The following FAM135B variants were observed in gnomAD, a reference collection of about 807,000 sequenced individuals.
FAM135B encodes the protein protein FAM135B.
In FAM135B, 43 loss-of-function variants were observed where a neutral mutation model predicts 127.7. The observed-to-expected ratio is 0.34, with a 90% CI of 0.26 to 0.43. The LOEUF is 0.43. Among genes scored for constraint, FAM135B ranks in the 20% least tolerant of loss-of-function variants. The pLI is 1.00. For missense variants in FAM135B, 1,558 were observed against 1,725.6 expected, an observed-to-expected ratio of 0.90 and a Z score of 1.72; for synonymous variants, 670 against 665.1, an observed-to-expected ratio of 1.01 and a Z score of -0.11.
In FAM135B at chr8:138,148,393, A is replaced by T. The variant is rs1342895105; in HGVS notation, c.3448+127T>A. The T allele has an allele frequency of 6.5e-6, 5 of 765,148 alleles. No individual in the cohort carries two copies. The African/African-American group carries it at 9.1e-5, about 14-fold the overall frequency. 47.4% of individuals were successfully genotyped at this position (765,148 alleles called of 1,614,324 possible). A position where few individuals can be genotyped will look rare whatever the true frequency, so the allele number is the denominator to read the frequency against. ...ATACCATTTCCTTAGATTCATCATA[A>T]TTACTGTCATTCCACAGTTGCTAAT... On this transcript the variant is annotated intron_variant, in intron 14 of 19. Coordinates refer to ENST00000395297, the MANE Select transcript of FAM135B (RefSeq NM_015912.4).
intron 12 of FAM135B, among the ~76,000 whole-genome samples, chr8:138,161,775 G>GACCT (rs1246400150): frequency 6.6e-6 from 1 of 152,078 alleles, no homozygotes; most frequent in Non-Finnish European, 1.5e-5. Flanking sequence ...CCCTTCCCAC[G>GACCT]ACCTACCGCA....
At chr8:138,271,759 G>A (rs1024245280) in intron 3 of FAM135B, among the ~76,000 whole-genome samples, 1 of 152,044 alleles carries the variant, frequency 6.6e-6, no homozygotes, top group African/African-American at 2.4e-5. Flanking sequence ...TTATATGATT[G>A]GAAAAGTCAC....
intron 2 of FAM135B, among the ~76,000 whole-genome samples, chr8:138,339,853 C>T (rs1364484815): frequency 2.0e-5 from 3 of 152,216 alleles, no homozygotes; most frequent in Non-Finnish European, 4.4e-5. Flanking sequence ...GGTTCCGTCG[C>T]TTCCTGTTCA....
intron 1 of FAM135B, among the ~76,000 whole-genome samples, chr8:138,400,901 T>C (rs1466080439): frequency 6.6e-6 from 1 of 152,234 alleles, no homozygotes; most frequent in African/African-American, 2.4e-5. Flanking sequence ...ATTTATTTCC[T>C]ACAGTTTGAT....
At chr8:138,444,236 G>A (rs1028657028) in intron 1 of FAM135B, among the ~76,000 whole-genome samples, 6 of 152,100 alleles carry the variant, frequency 3.9e-5, no homozygotes, top group African/African-American at 1.2e-4. Context: ...ACATTAGACA[G>A]GTCAACGAGA....
At position 138,364,975 on chromosome 8, in the gene FAM135B, T is replaced by C. The variant is rs192376520; in HGVS notation, c.77+2932A>G. The stretch of plus-strand genomic sequence containing the variant: ...AGTTCTCCTGCCTAGGCCTCCCAAG[T>C]AGCTGAAATTACAAGTGCCCGCCAC... On this transcript the variant is annotated intron_variant, in intron 2 of 19. Transcript: ENST00000395297. Among the ~76,000 whole-genome samples the C allele has an allele frequency of 3.5e-3, 531 of 152,116 alleles. 5 individuals are homozygous for C. The highest frequency in any genetic ancestry group is 6.2e-3 in the Non-Finnish European group (421 of 68,012).
At chr8:138,452,542 T>C (rs1029847761) in intron 1 of FAM135B, among the ~76,000 whole-genome samples, 2 of 152,216 alleles carry the variant, frequency 1.3e-5, no homozygotes, top group African/African-American at 2.4e-5. Context: ...CTTCAGCTTC[T>C]ACATAGACAT....
chr8:138,425,964 C>CATATATATATATAT (rs11271386), intron 1 of FAM135B, among the ~76,000 whole-genome samples: 119 of 109,956 alleles, frequency 1.1e-3, no homozygotes, highest in East Asian at 2.7e-3. Flanking sequence ...GCCAGGCCAA[C>CATATATATATATAT]ATATATATAT....
At chr8:138,492,151 T>C (rs1815228434) in intron 1 of FAM135B, among the ~76,000 whole-genome samples, 1 of 152,062 alleles carries the variant, frequency 6.6e-6, no homozygotes, top group Non-Finnish European at 1.5e-5. Flanking sequence ...GGCAGGGACA[T>C]CAATTCAGAG....
intron 1 of FAM135B, among the ~76,000 whole-genome samples, chr8:138,461,403 T>C (rs1837110862): frequency 6.6e-6 from 1 of 152,174 alleles, no homozygotes; most frequent in African/African-American, 2.4e-5. Flanking sequence ...GTGAAGAGAT[T>C]ACAAAAATTC....
intron 1 of FAM135B, among the ~76,000 whole-genome samples, chr8:138,393,156 C>T (rs1832676053): frequency 1.3e-5 from 2 of 152,132 alleles, no homozygotes; most frequent in Non-Finnish European, 2.9e-5. Context: ...ATGGGAAAGA[C>T]CTGCCCCCAT....
At chr8:138,303,236 C>T (rs1030660758) in intron 3 of FAM135B, among the ~76,000 whole-genome samples, 1 of 152,140 alleles carries the variant, frequency 6.6e-6, no homozygotes, top group African/African-American at 2.4e-5. Context: ...ACATATACAC[C>T]ATGGAGTATT....
chr8:138,419,752 T>C (rs761487403), intron 1 of FAM135B, among the ~76,000 whole-genome samples: 2 of 152,146 alleles, frequency 1.3e-5, no homozygotes, highest in Non-Finnish European at 2.9e-5. Flanking sequence ...TGAGTAACTT[T>C]TGGGTAAAGA....
rs1002600905 is a variant in FAM135B at position 138,246,932 on chromosome 8, G to C, written c.543-3864C>G. ...CTGGATGTGAGACATGGAGTCAAAGGGGATTATTTCAGAGCTTTAAGATTT... is the reference window on the plus strand; with the variant it reads ...CTGGATGTGAGACATGGAGTCAAAGCGGATTATTTCAGAGCTTTAAGATTT... On this transcript the variant is annotated intron_variant, in intron 6 of 19. Transcript: ENST00000395297. 3.3e-5 allele frequency among the ~76,000 whole-genome samples: 5 copies of C among 152,326 alleles called. 1 individual carries two copies. In the South Asian group the frequency reaches 1.0e-3, roughly 32 times the overall value.
chr8:138,331,178 T>C (rs1828149252), intron 2 of FAM135B, among the ~76,000 whole-genome samples: 1 of 152,126 alleles, frequency 6.6e-6, no homozygotes, highest in African/African-American at 2.4e-5. Context: ...TCCAACTTAA[T>C]GCAAAGTTCC....
chr8:138,276,413 A>C (rs1329406835), intron 3 of FAM135B, among the ~76,000 whole-genome samples: 2 of 152,172 alleles, frequency 1.3e-5, no homozygotes, highest in African/African-American at 4.8e-5. Context: ...AGGTCACAGA[A>C]TATAGGGCGG....
At chr8:138,343,072 T>C (rs1829166728) in intron 2 of FAM135B, among the ~76,000 whole-genome samples, 1 of 152,272 alleles carries the variant, frequency 6.6e-6, no homozygotes, top group South Asian at 2.1e-4. Context: ...ATTTATTTAT[T>C]CTTTAAAAGC....
intron 12 of FAM135B, among the ~76,000 whole-genome samples, chr8:138,154,773 C>T (rs1258343376): frequency 1.3e-5 from 2 of 152,128 alleles, no homozygotes; most frequent in African/African-American, 4.8e-5. Context: ...TGAACAAAGC[C>T]TCCAAGAAAT....
chr8:138,233,308 C>A (rs1483059798), intron 7 of FAM135B, among the ~76,000 whole-genome samples: 1 of 152,072 alleles, frequency 6.6e-6, no homozygotes. Context: ...AGGTTTTATG[C>A]CACTCATACC....
Sources: gnomAD v4.1 joint callset for allele counts (sites outside exome capture counted in the v4.1 genomes callset) on GRCh38, gnomAD v4.1.1 for gene constraint, MANE v1.5 for transcripts, NCBI Gene and HGNC (gene_info 2026-07-23, HGNC 2026-07-21) for gene names.